GOSR2: variants seen among roughly 807,000 people sequenced by gnomAD.
The protein encoded by GOSR2 is golgi SNAP receptor complex member 2.
Under a neutral mutation model 27.9 loss-of-function variants are expected in GOSR2, and 20 were observed. That is an observed-to-expected ratio of 0.72 (90% CI 0.50 to 1.04). The LOEUF is 1.04. Among genes scored for constraint, GOSR2 ranks in the 50% least tolerant of loss-of-function variants. The pLI is 0.00. For missense variants in GOSR2, 261 were observed against 270.5 expected (o/e 0.97, Z 0.25); for synonymous variants, 91 against 98.8 (o/e 0.92, Z 0.47).
At chr17:46,949,397 C>T (rs1243755310) in intron 6 of GOSR2, 1 of 152,078 alleles carries the variant, frequency 6.6e-6, no homozygotes, top group East Asian at 1.9e-4. Context: ...CTTTCTATGA[C>T]CAAGCCTCGG....
At chr17:46,968,412 C>G (rs1012762635), downstream of GOSR2, among the ~76,000 whole-genome samples, 4 of 152,254 alleles carry the variant, frequency 2.6e-5, no homozygotes, top group African/African-American at 7.2e-5. Flanking sequence ...CATTCCCACG[C>G]TTACATCCTA....
chr17:46,943,424 T>C (rs1166120139), downstream of GOSR2, among the ~76,000 whole-genome samples: 3 of 152,074 alleles, frequency 2.0e-5, no homozygotes, highest in Non-Finnish European at 2.9e-5. Flanking sequence ...TCTCAGAACA[T>C]GCCACACACT....
intron 6 of GOSR2, among the ~76,000 whole-genome samples, chr17:46,956,347 A>G (rs535466781): frequency 2.4e-5 from 3 of 127,596 alleles, no homozygotes; most frequent in East Asian, 5.0e-4. Flanking sequence ...CTGGAGTGCA[A>G]TGCTGCCATC....
downstream of GOSR2, among the ~76,000 whole-genome samples, chr17:46,942,219 G>A (rs1200808077): frequency 2.0e-5 from 3 of 152,166 alleles, no homozygotes; most frequent in Admixed American, 1.3e-4. Flanking sequence ...AGAAAGAAAC[G>A]TCATCTGTTA....
chr17:46,943,768 A>G (rs922087843), downstream of GOSR2, among the ~76,000 whole-genome samples: 1 of 152,262 alleles, frequency 6.6e-6, no homozygotes, highest in African/African-American at 2.4e-5. Context: ...GGCCTCAACA[A>G]CAGCAATGAC....
chr17:46,943,876 G>A (rs1479611032), downstream of GOSR2, among the ~76,000 whole-genome samples: 1 of 152,218 alleles, frequency 6.6e-6, no homozygotes, highest in East Asian at 1.9e-4. Context: ...GGGTTTTAAA[G>A]CTGAAAGTCC....
At chr17:46,956,376 C>T (rs2090719168) in intron 6 of GOSR2, among the ~76,000 whole-genome samples, 1 of 150,990 alleles carries the variant, frequency 6.6e-6, no homozygotes, top group Non-Finnish European at 1.5e-5. Flanking sequence ...CTGCAACCTC[C>T]ACCTCCCGGG....
intron 6 of GOSR2, among the ~76,000 whole-genome samples, chr17:46,959,773 C>T (rs1214494024): frequency 6.6e-6 from 1 of 152,172 alleles, no homozygotes. Context: ...TTTTCCCTTC[C>T]CTTTTGTCTC....
At position 46,940,815 on chromosome 17, in the gene GOSR2, T is replaced by C; in HGVS notation, c.*2055T>C. ...AGGTGGTTTTTGGGTCTTTACCACC[T>C]GCGGCTGGTGGACAGCAGCCAGTGT... is the stretch of plus-strand genomic sequence containing the variant. On this transcript the variant is annotated 3_prime_UTR_variant, in exon 6 of 6. Transcript: ENST00000640051. The C allele has an allele frequency of 2.0e-6, 3 of 1,471,320 alleles. No homozygotes were observed. Among genetic ancestry groups the C allele is most frequent in the Non-Finnish European group, 2.7e-6 (3 of 1,112,848 alleles). The allele number at this position is 1,471,320 out of a possible 1,614,324, so 91.1% of individuals were successfully genotyped here. A position where few individuals can be genotyped will look rare whatever the true frequency, so the allele number is the denominator to read the frequency against.
At chr17:46,971,434 A>C (rs117194424), downstream of GOSR2, among the ~76,000 whole-genome samples, 3 of 152,158 alleles carry the variant, frequency 2.0e-5, no homozygotes, top group East Asian at 5.8e-4. Context: ...AGGTCCTGGC[A>C]TGGCTTGGCT....
At chr17:46,936,741 G>A in intron 5 of GOSR2, 1 of 983,982 alleles carries the variant, frequency 1.0e-6, no homozygotes. Context: ...AGCCAAGCAG[G>A]ACTTTAGCAA....
chr17:46,924,624 A>G (rs2086215190), intron 1 of GOSR2, among the ~76,000 whole-genome samples: 1 of 152,188 alleles, frequency 6.6e-6, no homozygotes, highest in South Asian at 2.1e-4. Context: ...TTCTAAGTTT[A>G]TGGGTTTCTT....
intron 5 of GOSR2, chr17:46,936,190 C>T (rs2088310195): frequency 1.0e-6 from 1 of 985,512 alleles, no homozygotes; most frequent in African/African-American, 1.7e-5. Context: ...CCTGCAGTGA[C>T]CTGAACTGAT....
intron 6 of GOSR2, among the ~76,000 whole-genome samples, chr17:46,973,456 C>T (rs2091413579): frequency 6.6e-6 from 1 of 152,132 alleles, no homozygotes; most frequent in Non-Finnish European, 1.5e-5. Context: ...AGCCACCACA[C>T]CTAGCCTCTG....
chr17:46,959,906 T>G (rs2090957845), intron 6 of GOSR2, among the ~76,000 whole-genome samples: 1 of 152,154 alleles, frequency 6.6e-6, no homozygotes, highest in African/African-American at 2.4e-5. Flanking sequence ...AGAGCTCCTC[T>G]AAAGGAATTC....
chr17:46,974,462 C>T (rs1478017185), intron 6 of GOSR2, among the ~76,000 whole-genome samples: 5 of 152,270 alleles, frequency 3.3e-5, no homozygotes, highest in South Asian at 2.1e-4. Context: ...CCGCCGGGCG[C>T]GGTGGCTCAC....
At chr17:46,952,233 G>T (rs2090412591) in intron 6 of GOSR2, among the ~76,000 whole-genome samples, 1 of 152,184 alleles carries the variant, frequency 6.6e-6, no homozygotes. Context: ...CTGTGCCACG[G>T]GACTCAGCGA....
chr17:46,936,477 C>T, intron 5 of GOSR2: 1 of 985,452 alleles, frequency 1.0e-6, no homozygotes, highest in Non-Finnish European at 1.2e-6. Context: ...CCTCTGCACA[C>T]CTGTGGCTAC....
chr17:46,974,457 G>T (rs972450706), intron 6 of GOSR2, among the ~76,000 whole-genome samples: 5 of 152,200 alleles, frequency 3.3e-5, no homozygotes, highest in African/African-American at 1.2e-4. Context: ...CATCTCCGCC[G>T]GGCGCGGTGG....
Sources: allele counts gnomAD v4.1 joint callset (sites outside exome capture counted in the v4.1 genomes callset), GRCh38; gene constraint gnomAD v4.1.1; transcripts MANE v1.5; gene names NCBI Gene and HGNC (gene_info 2026-07-23, HGNC 2026-07-21).